Variants in DDX4 observed in about 807,000 individuals in gnomAD.
DDX4 encodes DEAD-box helicase 4.
DDX4 carries 25 observed loss-of-function variants against 100.0 expected under a neutral mutation model. The observed-to-expected ratio is 0.25, with a 90% CI of 0.18 to 0.35. The LOEUF (loss-of-function observed/expected upper bound fraction) is 0.35, where lower values mean the gene tolerates loss of function less well. DDX4 is among the 10% of genes least tolerant of loss of function. The pLI is 1.00. For synonymous variants in DDX4, 259 were observed against 275.7 expected, an observed-to-expected ratio of 0.94 and a Z score of 0.60; for missense variants, 635 against 882.4, an observed-to-expected ratio of 0.72 and a Z score of 3.55.
intron 18 of DDX4, among the ~76,000 whole-genome samples, chr5:55,805,556 G>A (rs529079665): frequency 2.0e-5 from 3 of 152,180 alleles, no homozygotes; most frequent in East Asian, 3.9e-4. Flanking sequence ...TTTGTCAAAG[G>A]CCTTTTCTGC....
At chr5:55,759,553 T>C (rs1399625295) in intron 3 of DDX4, among the ~76,000 whole-genome samples, 2 of 152,186 alleles carry the variant, frequency 1.3e-5, no homozygotes, top group African/African-American at 4.8e-5. Context: ...CACTCTCCAT[T>C]GTTGAAGAAT....
chr5:55,778,808 C>A (rs1331917314), intron 7 of DDX4, among the ~76,000 whole-genome samples: 1 of 151,704 alleles, frequency 6.6e-6, no homozygotes, highest in African/African-American at 2.4e-5. Flanking sequence ...ACAGGAGAAT[C>A]GCTTGGACTC....
chr5:55,746,540 A>G (rs1211887486), intron 3 of DDX4, among the ~76,000 whole-genome samples: 14 of 152,198 alleles, frequency 9.2e-5, no homozygotes, highest in Admixed American at 9.2e-4. Flanking sequence ...AGAATATAGG[A>G]CTATAAGGTT....
At chr5:55,797,441 T>TTC (rs1281098362) in intron 17 of DDX4, among the ~76,000 whole-genome samples, 1 of 152,162 alleles carries the variant, frequency 6.6e-6, no homozygotes, top group African/African-American at 2.4e-5. Context: ...ATCTGAAGAA[T>TTC]TTCAGATGAT....
intron 21 of DDX4, 60 bp from the exon 22 acceptor site, chr5:55,816,403 A>AGCT (rs146991399): frequency 0.014 from 22,221 of 1,534,988 alleles, 215 homozygotes; most frequent in Non-Finnish European, 0.017. Context: ...GTAACTTTAA[A>AGCT]GCTGTCATAA....
In DDX4 at chr5:55,813,668, T is replaced by C. The variant is rs200904665; in HGVS notation, c.1616-5T>C. On this transcript the variant is annotated splice_region_variant and splice_polypyrimidine_tract_variant and intron_variant, in intron 18 of 21. Coordinates refer to ENST00000505374, the MANE Select transcript of DDX4 (RefSeq NM_024415.3). ...TTGAATATTAATAATTTCATTGTCT[T>C]GTAGGGGATGAAAGAACTATGGTCT... The C allele has an allele frequency of 1.1e-5, 17 of 1,575,566 alleles. No individual in the cohort carries two copies. Among genetic ancestry groups the C allele is most frequent in the African/African-American group, 1.4e-5 (1 of 72,842 alleles).
At chr5:55,753,488 G>T (rs1398412039) in intron 3 of DDX4, among the ~76,000 whole-genome samples, 1 of 152,124 alleles carries the variant, frequency 6.6e-6, no homozygotes, top group Non-Finnish European at 1.5e-5. Context: ...TTGTAGATAT[G>T]CTGCGTTATT....
chr5:55,777,879 A>C (rs542425351), intron 7 of DDX4, among the ~76,000 whole-genome samples: 1 of 152,218 alleles, frequency 6.6e-6, no homozygotes, highest in African/African-American at 2.4e-5. Context: ...TTCTAATCTA[A>C]CAATATACTA....
At chr5:55,791,378 T>G (rs537771379) in intron 16 of DDX4, among the ~76,000 whole-genome samples, 1 of 152,206 alleles carries the variant, frequency 6.6e-6, no homozygotes, top group Non-Finnish European at 1.5e-5. Flanking sequence ...TAAACACACC[T>G]TTCTTAGTAT....
intron 4 of DDX4, among the ~76,000 whole-genome samples, chr5:55,762,877 G>A (rs1175514777): frequency 1.3e-5 from 2 of 152,130 alleles, no homozygotes; most frequent in African/African-American, 4.8e-5. Context: ...CTATCAGGAT[G>A]AGAATTCAAC....
intron 2 of DDX4, among the ~76,000 whole-genome samples, chr5:55,739,679 G>C (rs1758873680): frequency 2.6e-5 from 4 of 152,116 alleles, no homozygotes; most frequent in African/African-American, 9.7e-5. Flanking sequence ...TTCCCCTTCA[G>C]AATTTCCAGT....
intron 4 of DDX4, 71 bp from the exon 5 acceptor site, chr5:55,763,104 A>T: frequency 9.8e-7 from 1 of 1,019,486 alleles, no homozygotes; most frequent in Non-Finnish European, 1.5e-6. Context: ...AAATTCATTT[A>T]ATTCTTAGTT....
intron 6 of DDX4, among the ~76,000 whole-genome samples, chr5:55,767,467 G>A: frequency 6.6e-6 from 1 of 152,126 alleles, no homozygotes; most frequent in South Asian, 2.1e-4. Flanking sequence ...TTACAGAAAA[G>A]ATATGACATT....
At chr5:55,792,166 T>C (rs1430279719) in intron 16 of DDX4, among the ~76,000 whole-genome samples, 7 of 151,070 alleles carry the variant, frequency 4.6e-5, no homozygotes, top group African/African-American at 1.7e-4. Flanking sequence ...AATAGAACTT[T>C]TAAGTAATTG....
At chr5:55,765,417 T>A (rs776479997) in intron 6 of DDX4, among the ~76,000 whole-genome samples, 2,173 of 131,850 alleles carry the variant, frequency 0.016, 24 homozygotes, top group South Asian at 0.034. Context: ...AAAAAAAATA[T>A]ATATATATAT....
chr5:55,790,701 A>G lies in DDX4; in HGVS notation c.1298A>G (p.Glu433Gly). 6.2e-7 allele frequency: 1 copy of G among 1,611,602 alleles called. No individual in the cohort carries two copies. Among genetic ancestry groups the G allele is most frequent in the Non-Finnish European group, 8.5e-7 (1 of 1,178,138 alleles). Residue 433 changes from glutamate (E) to glycine (G), a missense_variant, in exon 16 of 22, where the codon GAA (glutamate) becomes GGA (glycine). Physicochemically the swap from Glu to Gly is moderately conservative, Grantham distance 98 (BLOSUM62 -2). Transcript: ENST00000505374. ...PGRLMDIIGK[E>G]KIGLKQIKYL... ...AGACTGATGGATATCATAGGCAAAG[A>G]AAAGGTACGCCTTATAGGAATAATG... is the stretch of plus-strand genomic sequence containing the variant.
chr5:55,771,333 T>C (rs531128361), intron 7 of DDX4, among the ~76,000 whole-genome samples: 11 of 152,332 alleles, frequency 7.2e-5, no homozygotes, highest in African/African-American at 2.6e-4. Context: ...ACTTCTGTTA[T>C]GACTTCTAAC....
chr5:55,815,203 T>A, intron 20 of DDX4, 32 bp downstream of exon 20: 1 of 1,606,758 alleles, frequency 6.2e-7, no homozygotes, highest in Non-Finnish European at 8.5e-7. Context: ...GAATGGATAG[T>A]TTTCTTACTT....
chr5:55,786,321 C>G (rs1010848366), intron 13 of DDX4, among the ~76,000 whole-genome samples, 197 bp from the exon 14 acceptor site: 1 of 152,122 alleles, frequency 6.6e-6, no homozygotes, highest in Non-Finnish European at 1.5e-5. Context: ...GTGGAGAATA[C>G]TTCATGATTC....
Sources: gnomAD v4.1 joint callset for allele counts (sites outside exome capture counted in the v4.1 genomes callset) on GRCh38, gnomAD v4.1.1 for gene constraint, MANE v1.5 for transcripts, NCBI Gene and HGNC (gene_info 2026-07-23, HGNC 2026-07-21) for gene names.